The following TRABD2B variants were observed in gnomAD, a reference collection of about 807,000 sequenced individuals.
The protein encoded by TRABD2B is TraB domain containing 2B.
In TRABD2B, 14 loss-of-function variants were observed where a neutral mutation model predicts 40.1. That is an observed-to-expected ratio of 0.35 (90% CI 0.23 to 0.55). The LOEUF (loss-of-function observed/expected upper bound fraction) is 0.55. TRABD2B is among the 20% of genes least tolerant of loss of function. TRABD2B has a pLI of 0.90. For missense variants in TRABD2B, 541 were observed against 648.6 expected (o/e 0.83, Z 1.80); for synonymous variants, 263 against 277.0 (o/e 0.95, Z 0.50).
At chr1:47,796,423 C>T (rs976917433) in intron 3 of TRABD2B, among the ~76,000 whole-genome samples, 1 of 152,218 alleles carries the variant, frequency 6.6e-6, no homozygotes, top group African/African-American at 2.4e-5. Flanking sequence ...CAGGATTAAG[C>T]CCCTAAATGG....
At chr1:47,853,678 TCCATCCACCTATCCAC>T (rs1643861918) in intron 2 of TRABD2B, among the ~76,000 whole-genome samples, 1 of 152,168 alleles carries the variant, frequency 6.6e-6, no homozygotes, top group East Asian at 1.9e-4. Context: ...CACCCATCCA[TCCATCCACCTATCCAC>T]CCATCCAATA....
intron 2 of TRABD2B, among the ~76,000 whole-genome samples, chr1:47,989,537 G>C (rs1645969252): frequency 6.6e-6 from 1 of 152,076 alleles, no homozygotes; most frequent in Non-Finnish European, 1.5e-5. Context: ...AGCCTATATT[G>C]GGGGGTGTGT....
intron 2 of TRABD2B, among the ~76,000 whole-genome samples, chr1:47,839,697 T>C (rs1186581648): frequency 2.0e-5 from 3 of 152,144 alleles, no homozygotes; most frequent in African/African-American, 7.2e-5. Flanking sequence ...CGTGGGAACT[T>C]TGGGCAACAC....
intron 2 of TRABD2B, among the ~76,000 whole-genome samples, chr1:47,969,951 C>T (rs1040859989): frequency 6.6e-6 from 1 of 152,154 alleles, no homozygotes; most frequent in Non-Finnish European, 1.5e-5. Flanking sequence ...TCTCACATTG[C>T]AGCCTGACCT....
rs562928944 is a variant in TRABD2B at position 47,829,908 on chromosome 1, A to G, written c.667-28289T>C. 4.6e-5 allele frequency among the ~76,000 whole-genome samples: 7 copies of G among 152,092 alleles called. No individual in the cohort carries two copies. The South Asian group carries it at 1.5e-3, about 32-fold the overall frequency. On this transcript the variant is annotated intron_variant, in intron 2 of 6. Coordinates refer to ENST00000606738, the MANE Select transcript of TRABD2B (RefSeq NM_001194986.2). ...TTGGTCTCTTGTCACTACTCACCCC[A>G]TGGTTTTACCTGGCTATACTGGGCT...
chr1:47,891,225 A>T (rs913750793), intron 2 of TRABD2B, among the ~76,000 whole-genome samples: 3 of 152,386 alleles, frequency 2.0e-5, no homozygotes, highest in Admixed American at 2.0e-4. Flanking sequence ...CTGTTCACAT[A>T]GCAATGAGTC....
chr1:47,815,845 A>AGC lies in TRABD2B; in HGVS notation c.667-14227_667-14226insGC, dbSNP rs1553154091. The stretch of plus-strand genomic sequence containing the variant: ...GATAGATAGATAGATAGATAGATAG[A>AGC]TAGATAGAAATAGAGTCAGGAGTGT... On this transcript the variant is annotated intron_variant, in intron 2 of 6. Coordinates refer to ENST00000606738, the MANE Select transcript of TRABD2B (RefSeq NM_001194986.2). Among the ~76,000 whole-genome samples the AGC allele has an allele frequency of 2.1e-3, 272 of 127,290 alleles. 1 individual carries two copies. Among genetic ancestry groups the AGC allele is most frequent in the Middle Eastern group, 9.3e-3 (2 of 214 alleles). 83.5% of individuals were successfully genotyped at this position (127,290 alleles called of 152,430 possible).
intron 2 of TRABD2B, 21 bp from the exon 3 acceptor site, chr1:47,801,640 G>C: frequency 6.5e-7 from 1 of 1,534,610 alleles, no homozygotes; most frequent in Non-Finnish European, 8.7e-7. Flanking sequence ...GAAAGAGAGA[G>C]GAATGAGGGC....
At position 47,850,989 on chromosome 1, in the gene TRABD2B, C is replaced by T. The variant is rs576881723; in HGVS notation, c.667-49370G>A. Among the ~76,000 whole-genome samples, 56 of 152,286 alleles carry T rather than the reference C, an allele frequency of 3.7e-4. 1 individual carries two copies. The South Asian group carries it at 0.011, about 30-fold the overall frequency. The stretch of plus-strand genomic sequence containing the variant: ...TGCTCCTCTGAGAATCTAATGCCAC[C>T]GCTGATCTGACAGGAGGCGGAGCTC... On this transcript the variant is annotated intron_variant, in intron 2 of 6. Transcript: ENST00000606738.
intron 2 of TRABD2B, among the ~76,000 whole-genome samples, chr1:47,933,173 T>C (rs2148345103): frequency 6.6e-6 from 1 of 151,998 alleles, no homozygotes; most frequent in Admixed American, 6.6e-5. Flanking sequence ...TGGTGCAATC[T>C]TGGCTCACTG....
intron 2 of TRABD2B, among the ~76,000 whole-genome samples, chr1:47,887,389 G>A (rs565598721): frequency 1.3e-5 from 2 of 152,008 alleles, no homozygotes; most frequent in African/African-American, 2.4e-5. Context: ...TGTGGAGGAT[G>A]CCCTTATGCC....
intron 2 of TRABD2B, among the ~76,000 whole-genome samples, chr1:47,975,724 T>C (rs1412503944): frequency 6.6e-6 from 1 of 152,122 alleles, no homozygotes; most frequent in Non-Finnish European, 1.5e-5. Flanking sequence ...CAAACACAAA[T>C]CTGGCCAAAC....
chr1:47,972,997 G>T, intron 2 of TRABD2B, among the ~76,000 whole-genome samples: 1 of 152,178 alleles, frequency 6.6e-6, no homozygotes. Context: ...TTCACCTTGT[G>T]TATGCCTTAT....
chr1:47,812,990 G>A (rs1251613657), intron 2 of TRABD2B, among the ~76,000 whole-genome samples: 1 of 152,176 alleles, frequency 6.6e-6, no homozygotes, highest in East Asian at 1.9e-4. Context: ...GAGGGATAAT[G>A]GTCTACACGG....
At chr1:47,782,257 G>A (rs545296703) in intron 4 of TRABD2B, among the ~76,000 whole-genome samples, 6 of 152,208 alleles carry the variant, frequency 3.9e-5, no homozygotes, top group South Asian at 2.1e-4. Flanking sequence ...GATTCTCCTC[G>A]CTCCTCATCT....
chr1:47,900,822 T>C (rs1644590556), intron 2 of TRABD2B, among the ~76,000 whole-genome samples: 1 of 152,156 alleles, frequency 6.6e-6, no homozygotes, highest in Non-Finnish European at 1.5e-5. Context: ...ATTTTTGTCT[T>C]GGTAAAATTA....
intron 2 of TRABD2B, among the ~76,000 whole-genome samples, chr1:47,961,615 CTCA>C (rs1341102492): frequency 3.3e-5 from 5 of 152,184 alleles, no homozygotes; most frequent in African/African-American, 1.2e-4. Context: ...TGAAAAAATG[CTCA>C]TCATCACTGG....
At position 47,994,594 on chromosome 1, in the gene TRABD2B, T is replaced by C; in HGVS notation, c.106A>G (p.Arg36Gly). 6.5e-7 allele frequency: 1 copy of C among 1,533,888 alleles called. No homozygotes were observed. Among genetic ancestry groups the C allele is most frequent in the Non-Finnish European group, 8.7e-7 (1 of 1,145,728 alleles). ...GTCCACAGGAAGGAGTTCAAGTCCC[T>C]CTGCTGCAGGAGTAGAGAAGAGGCA... ...GGQCRPPGSQ[R>G]DLNSFLWTIR... The change falls in exon 2 of 7, where the codon AGG becomes GGG. Residue 36 changes from arginine (R) to glycine (G), a missense_variant. Coordinates refer to ENST00000606738, the MANE Select transcript of TRABD2B (RefSeq NM_001194986.2). The surrounding 1 kb of genome is among the most constrained non-coding windows in gnomAD (Gnocchi z 6.7).
At chr1:47,914,660 G>A (rs1644806552) in intron 2 of TRABD2B, among the ~76,000 whole-genome samples, 1 of 152,244 alleles carries the variant, frequency 6.6e-6, no homozygotes, top group African/African-American at 2.4e-5. Flanking sequence ...TCCCTCCATT[G>A]CCAAATCTTC....
Sources: gnomAD v4.1 joint callset for allele counts (sites outside exome capture counted in the v4.1 genomes callset) on GRCh38, gnomAD v4.1.1 for gene constraint, Gnocchi (gnomAD v3.1) non-coding constraint, MANE v1.5 for transcripts, NCBI Gene and HGNC (gene_info 2026-07-23, HGNC 2026-07-21) for gene names.